The following UGT1A6 variants were observed in gnomAD, a reference collection of about 807,000 sequenced individuals.
The protein encoded by UGT1A6 is UDP-glucuronosyltransferase 1A6.
Under a neutral mutation model 44.4 loss-of-function variants are expected in UGT1A6, and 32 were observed. The observed-to-expected ratio is 0.72, with a 90% CI of 0.54 to 0.97. The LOEUF (loss-of-function observed/expected upper bound fraction) is 0.97, where lower values mean the gene tolerates loss of function less well. UGT1A6 is among the 50% of genes least tolerant of loss of function. UGT1A6 has a pLI of 0.00. For synonymous variants in UGT1A6, 238 were observed against 248.5 expected (o/e 0.96, Z 0.40); for missense variants, 685 against 661.9 (o/e 1.03, Z -0.38).
At chr2:233,772,143 C>T in intron 4 of UGT1A6, 119 bp from the exon 5 acceptor site, 2 of 1,550,602 alleles carry the variant, frequency 1.3e-6, no homozygotes, top group Non-Finnish European at 1.7e-6. Flanking sequence ...ATAATAGAAA[C>T]AGGTTTCCTT....
chr2:233,745,363 G>T (rs1011191922), intron 1 of UGT1A6, among the ~76,000 whole-genome samples: 1 of 151,804 alleles, frequency 6.6e-6, no homozygotes, highest in African/African-American at 2.4e-5. Flanking sequence ...ATTTTTTTGA[G>T]ATCTGAGTTC....
chr2:233,746,554 C>T (rs567530423), intron 1 of UGT1A6, among the ~76,000 whole-genome samples: 1 of 151,860 alleles, frequency 6.6e-6, no homozygotes, highest in South Asian at 2.1e-4. Flanking sequence ...ACTTCTTAGC[C>T]CCTAGAGCAC....
In UGT1A6 at chr2:233,742,896, A is replaced by G. The variant is rs28900374; in HGVS notation, c.862-24138A>G. On this transcript the variant is annotated intron_variant, in intron 1 of 4. Coordinates refer to ENST00000305139, the MANE Select transcript of UGT1A6 (RefSeq NM_001072.4). ...CACCTGGCTCACACTTTCCCAACGG[A>G]AAAAGGTAATGCTCAAAGTGCTGAA... 1,545 of 165,018 alleles carry G rather than the reference A, an allele frequency of 9.4e-3. 58 individuals are homozygous for G. Among genetic ancestry groups the G allele is most frequent in the African/African-American group, 0.035 (1,468 of 41,444 alleles). 10.2% of individuals were successfully genotyped at this position (165,018 alleles called of 1,614,324 possible). A position where few individuals can be genotyped will look rare whatever the true frequency, so the allele number is the denominator to read the frequency against.
intron 1 of UGT1A6, among the ~76,000 whole-genome samples, chr2:233,724,767 C>T (rs2125706363): frequency 7.0e-6 from 1 of 143,094 alleles, no homozygotes; most frequent in African/African-American, 2.7e-5. Context: ...GGCGGCCAGG[C>T]AGAGACACTC....
Position 233,692,991 on chromosome 2 carries a change from T to C in UGT1A6, c.-14T>C, listed in dbSNP as rs2075125373. 1 of 1,613,950 alleles carries C rather than the reference T, an allele frequency of 6.2e-7. No homozygotes were observed. The highest frequency in any genetic ancestry group is 8.5e-7 in the Non-Finnish European group (1 of 1,179,974). On this transcript the variant is annotated 5_prime_UTR_variant, in exon 1 of 5. Coordinates refer to ENST00000305139, the MANE Select transcript of UGT1A6 (RefSeq NM_001072.4). ...AAACTCTTTATTACCGTTGTTACTT[T>C]AACTCTTTCCAGGATGGCCTGCCTC... is the stretch of plus-strand genomic sequence containing the variant.
At chr2:233,708,402 C>T (rs1242304001) in intron 1 of UGT1A6, 4 of 152,064 alleles carry the variant, frequency 2.6e-5, no homozygotes, top group African/African-American at 9.7e-5. Flanking sequence ...TTACTTTCAT[C>T]AAGTTGTTTC....
intron 1 of UGT1A6, among the ~76,000 whole-genome samples, chr2:233,733,093 A>C (rs1291548117): frequency 1.3e-5 from 2 of 152,138 alleles, no homozygotes; most frequent in Non-Finnish European, 2.9e-5. Flanking sequence ...GAGTTCACTC[A>C]TGGTTTGGCT....
intron 1 of UGT1A6, among the ~76,000 whole-genome samples, chr2:233,702,165 C>T (rs769310963): frequency 1.3e-5 from 2 of 152,160 alleles, no homozygotes; most frequent in Non-Finnish European, 2.9e-5. Flanking sequence ...TTATCAGTCA[C>T]TCTTCTTTCT....
At chr2:233,717,369 C>T (rs1261511605) in intron 1 of UGT1A6, among the ~76,000 whole-genome samples, 1 of 152,214 alleles carries the variant, frequency 6.6e-6, no homozygotes, top group Non-Finnish European at 1.5e-5. Context: ...GTTCTCAAGC[C>T]CTTACAGACC....
chr2:233,713,259 G>A, intron 1 of UGT1A6: 1 of 1,614,246 alleles, frequency 6.2e-7, no homozygotes, highest in Non-Finnish European at 8.5e-7. Context: ...GGACGAATTT[G>A]ATCGCCTTTT....
intron 1 of UGT1A6, chr2:233,713,305 ATCT>A (rs761507156): frequency 1.2e-6 from 2 of 1,614,274 alleles, no homozygotes; most frequent in Non-Finnish European, 1.7e-6. Flanking sequence ...GAAACAGAAC[ATCT>A]TCTGATGAAA....
At chr2:233,701,956 C>T (rs1431436899) in intron 1 of UGT1A6, among the ~76,000 whole-genome samples, 1 of 152,018 alleles carries the variant, frequency 6.6e-6, no homozygotes, top group Non-Finnish European at 1.5e-5. Context: ...AGAGCAAACA[C>T]ATTCAAAAGC....
At chr2:233,754,037 T>C (rs1376554387) in intron 1 of UGT1A6, among the ~76,000 whole-genome samples, 1 of 152,244 alleles carries the variant, frequency 6.6e-6, no homozygotes, top group Non-Finnish European at 1.5e-5. Context: ...ATGCATCCAC[T>C]TTGCCAGGTT....
chr2:233,715,185 C>T (rs2125642752), intron 1 of UGT1A6, among the ~76,000 whole-genome samples: 1 of 152,280 alleles, frequency 6.6e-6, no homozygotes, highest in African/African-American at 2.4e-5. Context: ...CACACCTAGG[C>T]AATTTTTCTA....
intron 1 of UGT1A6, chr2:233,761,102 T>A: frequency 6.2e-7 from 1 of 1,614,234 alleles, no homozygotes; most frequent in Non-Finnish European, 8.5e-7. Context: ...ATGCCCAATA[T>A]GGTTTTTGTT....
chr2:233,711,563 G>C (rs2076187207), intron 1 of UGT1A6, among the ~76,000 whole-genome samples: 1 of 152,208 alleles, frequency 6.6e-6, no homozygotes, highest in Admixed American at 6.5e-5. Context: ...AGTTCCCAAA[G>C]CCCTTGCAGG....
chr2:233,744,895 T>C (rs1259140735), intron 1 of UGT1A6, among the ~76,000 whole-genome samples: 1 of 151,910 alleles, frequency 6.6e-6, no homozygotes, highest in African/African-American at 2.4e-5. Flanking sequence ...CTCCTCTCCA[T>C]ACCAAAATCT....
At chr2:233,729,039 C>T (rs2077779281) in intron 1 of UGT1A6, 1 of 1,604,830 alleles carries the variant, frequency 6.2e-7, no homozygotes, top group Non-Finnish European at 8.5e-7. Context: ...TGCTAAGTGG[C>T]TCAGTGACAA....
intron 1 of UGT1A6, among the ~76,000 whole-genome samples, chr2:233,728,438 T>G (rs767201537): frequency 1.4e-4 from 22 of 152,276 alleles, no homozygotes; most frequent in Non-Finnish European, 2.1e-4. Context: ...CCATGGTGTA[T>G]ATGGAGAATC....
Sources: gnomAD v4.1 joint callset for allele counts (sites outside exome capture counted in the v4.1 genomes callset) on GRCh38, gnomAD v4.1.1 for gene constraint, MANE v1.5 for transcripts, NCBI Gene and HGNC (gene_info 2026-07-23, HGNC 2026-07-21) for gene names.